Variants in JRK observed in about 807,000 individuals in gnomAD.
JRK encodes the protein jerky protein homolog.
For missense variants in JRK, 720 were observed against 509.2 expected (o/e 1.41, Z -3.98); for synonymous variants, 303 against 218.1 (o/e 1.39, Z -3.43).
chr8:142,661,634 A>G lies in JRK; in HGVS notation c.*2718T>C, dbSNP rs1554634587. 9.1e-6 allele frequency: 9 copies of G among 985,352 alleles called. No homozygotes were observed. The highest frequency in any genetic ancestry group is 6.1e-5 in the Admixed American group (1 of 16,270). The allele number at this position is 985,352 out of a possible 1,614,324, so 61.0% of individuals were successfully genotyped here. A position where few individuals can be genotyped will look rare whatever the true frequency, so the allele number is the denominator to read the frequency against. Reference sequence around the variant, plus strand: ...GTGCTCACAGATAAAACGCGGAGGCATTTAAACAGGACCAGAGACTTTCTC... The same window carrying G: ...GTGCTCACAGATAAAACGCGGAGGCGTTTAAACAGGACCAGAGACTTTCTC... On this transcript the variant is annotated 3_prime_UTR_variant, in exon 2 of 2. Transcript: ENST00000612905.
At position 142,663,131 on chromosome 8, in the gene JRK, C is replaced by A. The variant is rs1846971254; in HGVS notation, c.*1221G>T. The stretch of plus-strand genomic sequence containing the variant: ...TCACACCACTTCACTCCAGCCTGGT[C>A]AACAGAGTGAGACCCTGCCTCAAGA... On this transcript the variant is annotated 3_prime_UTR_variant, in exon 2 of 2. Transcript: ENST00000612905. 1.0e-6 allele frequency: 1 copy of A among 979,908 alleles called. No individual in the cohort carries two copies. Among genetic ancestry groups the A allele is most frequent in the Non-Finnish European group, 1.2e-6 (1 of 825,094 alleles). 60.7% of individuals were successfully genotyped at this position (979,908 alleles called of 1,614,324 possible).
Position 142,659,075 on chromosome 8 carries a change from G to C in JRK, c.*5277C>G, listed in dbSNP as rs1190497986. 1 of 1,419,612 alleles carries C rather than the reference G, an allele frequency of 7.0e-7. No homozygotes were observed. The highest frequency in any genetic ancestry group is 2.7e-5 in the Admixed American group (1 of 36,784). The allele number at this position is 1,419,612 out of a possible 1,614,324, so 87.9% of individuals were successfully genotyped here. ...ATTCCTAGTGTATTTTTTCTCTTCA[G>C]AACTGACAGCCCATCAAGGTACAAT... On this transcript the variant is annotated 3_prime_UTR_variant, in exon 2 of 2. Coordinates refer to ENST00000612905, the MANE Select transcript of JRK (RefSeq NM_003724.4).
Position 142,661,799 on chromosome 8 carries a change from TCTGAGG to T in JRK, c.*2547_*2552del. ...CCTGAGAGGGCTTGGGGAAAAAGAT[TCTGAGG>T]CTAAAACATTCAACCACTTGAGCTT... On this transcript the variant is annotated 3_prime_UTR_variant, in exon 2 of 2. Coordinates refer to ENST00000612905, the MANE Select transcript of JRK (RefSeq NM_003724.4). 1 of 985,456 alleles carries T rather than the reference TCTGAGG, an allele frequency of 1.0e-6. No individual in the cohort carries two copies. Among genetic ancestry groups the T allele is most frequent in the Non-Finnish European group, 1.2e-6 (1 of 830,036 alleles). 61.0% of individuals were successfully genotyped at this position (985,456 alleles called of 1,614,324 possible).
rs11781103 is a variant in JRK, at chr8:142,663,020, G to A, written c.*1332C>T. 17 of 568,172 alleles carry A rather than the reference G, an allele frequency of 3.0e-5. No homozygotes were observed. Among genetic ancestry groups the A allele is most frequent in the Non-Finnish European group, 3.6e-5 (16 of 448,954 alleles). The allele number at this position is 568,172 out of a possible 1,614,324, so 35.2% of individuals were successfully genotyped here. On this transcript the variant is annotated 3_prime_UTR_variant, in exon 2 of 2. Coordinates refer to ENST00000612905, the MANE Select transcript of JRK (RefSeq NM_003724.4). ...ACAAAAAAAATAAAAAGGCGCGGTGGTGCGTGCCTCTAGTCCCAGCTACTC... is the reference window on the plus strand; with the variant it reads ...ACAAAAAAAATAAAAAGGCGCGGTGATGCGTGCCTCTAGTCCCAGCTACTC...
chr8:142,660,977 G>T lies in JRK; in HGVS notation c.*3375C>A. ...GCTGGGGAAGCCGTGGGCAGGGGCT[G>T]CGACTTCCTTTCTTCCAATCAACTC... is the stretch of plus-strand genomic sequence containing the variant. On this transcript the variant is annotated 3_prime_UTR_variant, in exon 2 of 2. Transcript: ENST00000612905. The T allele has an allele frequency of 2.0e-6, 2 of 985,474 alleles. No individual in the cohort carries two copies. Among genetic ancestry groups the T allele is most frequent in the Non-Finnish European group, 2.4e-6 (2 of 829,962 alleles). The allele number at this position is 985,474 out of a possible 1,614,324, so 61.0% of individuals were successfully genotyped here.
Position 142,658,886 on chromosome 8 carries a change from T to C in JRK, c.*5466A>G, listed in dbSNP as rs781840620. On this transcript the variant is annotated 3_prime_UTR_variant, in exon 2 of 2. Coordinates refer to ENST00000612905, the MANE Select transcript of JRK (RefSeq NM_003724.4). The stretch of plus-strand genomic sequence containing the variant: ...CTCTGTAGAGGCCTCCAGGCAGCAC[T>C]TAGGAATTGCCAACTCCTCTGGTGA... 6.2e-7 allele frequency: 1 copy of C among 1,613,598 alleles called. No individual in the cohort carries two copies. The highest frequency in any genetic ancestry group is 2.2e-5 in the East Asian group (1 of 44,876).
chr8:142,666,896 C>T (rs1554636276), intron 1 of JRK, among the ~76,000 whole-genome samples: 1 of 152,178 alleles, frequency 6.6e-6, no homozygotes, highest in Admixed American at 6.5e-5. Context: ...ACCTCCCACC[C>T]GCCCAGCCTA....
At position 142,658,783 on chromosome 8, in the gene JRK, A is replaced by C. The variant is rs1846819348; in HGVS notation, c.*5569T>G. 5 of 1,557,508 alleles carry C rather than the reference A, an allele frequency of 3.2e-6. No homozygotes were observed. The South Asian group carries it at 4.7e-5, about 15-fold the overall frequency. On this transcript the variant is annotated 3_prime_UTR_variant, in exon 2 of 2. Transcript: ENST00000612905. The stretch of plus-strand genomic sequence containing the variant: ...GGAGGCCACAGACCTACCAACACCC[A>C]TAACCTCAAGGGCACTGGTGGGGAC...
Position 142,659,025 on chromosome 8 carries a change from A to C in JRK, c.*5327T>G. 1 of 1,498,762 alleles carries C rather than the reference A, an allele frequency of 6.7e-7. No individual in the cohort carries two copies. Among genetic ancestry groups the C allele is most frequent in the Non-Finnish European group, 9.0e-7 (1 of 1,117,128 alleles). 92.8% of individuals were successfully genotyped at this position (1,498,762 alleles called of 1,614,324 possible). On this transcript the variant is annotated 3_prime_UTR_variant, in exon 2 of 2. Transcript: ENST00000612905. ...AGGGGTGTAGTCACTTCCCTCTGCC[A>C]GGGAGAATGGTGGAGGAAGAATGGA...
chr8:142,644,280 T>C, the JRK span, among the ~76,000 whole-genome samples: 1 of 152,094 alleles, frequency 6.6e-6, no homozygotes, highest in Admixed American at 6.5e-5. Context: ...GCAGCCACAG[T>C]CAAAAGCACC....
rs1587517281 is a variant in JRK, at chr8:142,660,646, C to A, written c.*3706G>T. ...CAAACTCCTGAACTAAAGTGATCCT[C>A]CTGCCGTGGCCTTCCAGAGTACTGG... On this transcript the variant is annotated 3_prime_UTR_variant, in exon 2 of 2. Coordinates refer to ENST00000612905, the MANE Select transcript of JRK (RefSeq NM_003724.4). 1 of 953,006 alleles carries A rather than the reference C, an allele frequency of 1.0e-6. No individual in the cohort carries two copies. The highest frequency in any genetic ancestry group is 5.4e-4 in the Middle Eastern group (1 of 1,862). 59.0% of individuals were successfully genotyped at this position (953,006 alleles called of 1,614,324 possible).
intron 1 of JRK, 94 bp from the exon 2 acceptor site, chr8:142,666,614 GA>G (rs1554636211): frequency 2.1e-5 from 4 of 193,124 alleles, no homozygotes; most frequent in African/African-American, 4.6e-5. Flanking sequence ...CACTCCAGCT[GA>G]AACTCAAGGG....
At position 142,663,025 on chromosome 8, in the gene JRK, T is replaced by C. The variant is rs2129733214; in HGVS notation, c.*1327A>G. The C allele has an allele frequency of 3.6e-6, 2 of 563,158 alleles. No individual in the cohort carries two copies. The highest frequency in any genetic ancestry group is 4.5e-6 in the Non-Finnish European group (2 of 444,350). 34.9% of individuals were successfully genotyped at this position (563,158 alleles called of 1,614,324 possible). On this transcript the variant is annotated 3_prime_UTR_variant, in exon 2 of 2. Coordinates refer to ENST00000612905, the MANE Select transcript of JRK (RefSeq NM_003724.4). ...AAAAATAAAAAGGCGCGGTGGTGCG[T>C]GCCTCTAGTCCCAGCTACTCAGGAG... is the stretch of plus-strand genomic sequence containing the variant.
rs1554635542 is a variant in JRK at position 142,665,142 on chromosome 8, T to C, written c.917A>G (p.Gln306Arg). The change falls in exon 2 of 2, where the codon CAG becomes CGG. Residue 306 changes from glutamine (Q) to arginine (R), a missense_variant. Coordinates refer to ENST00000612905, the MANE Select transcript of JRK (RefSeq NM_003724.4). ...GTTACTGGACACCAGCTCGGCCTCCTGCGGGTGAGCCCGGGAGCTGTCCAG... is the reference window on the plus strand; with the variant it reads ...GTTACTGGACACCAGCTCGGCCTCCCGCGGGTGAGCCCGGGAGCTGTCCAG... ...LLLDSSRAHP[Q>R]EAELVSSNVF... 1.4e-6 allele frequency: 1 copy of C among 717,726 alleles called. No homozygotes were observed. Among genetic ancestry groups the C allele is most frequent in the Admixed American group, 2.0e-5 (1 of 50,006 alleles). The allele number at this position is 717,726 out of a possible 1,614,324, so 44.5% of individuals were successfully genotyped here.
rs1165356778 is a variant in JRK at position 142,658,075 on chromosome 8, G to A, written c.*6277C>T. 2.6e-5 allele frequency: 4 copies of A among 152,272 alleles called. No homozygotes were observed. The highest frequency in any genetic ancestry group is 9.7e-5 in the African/African-American group (4 of 41,448). The allele number at this position is 152,272 out of a possible 1,614,324, so 9.4% of individuals were successfully genotyped here. ...GGGTCTGCCTCCCCTTCTGGACCAG[G>A]TGAACCTTAACAATAGGTGCATGTT... On this transcript the variant is annotated 3_prime_UTR_variant, in exon 2 of 2. Transcript: ENST00000612905.
At chr8:142,645,476 G>A in the JRK span, among the ~76,000 whole-genome samples, 4 of 152,024 alleles carry the variant, frequency 2.6e-5, no homozygotes, top group Non-Finnish European at 5.9e-5. Context: ...TCAGGAGATC[G>A]AGACCATCCT....
Position 142,663,513 on chromosome 8 carries a change from C to G in JRK, c.*839G>C, listed in dbSNP as rs1252745874. On this transcript the variant is annotated 3_prime_UTR_variant, in exon 2 of 2. Transcript: ENST00000612905. ...GATCAAGACGTATTCATGTAAAGGC[C>G]ATAAGTATGAAATTCTGGGCAACAT... is the stretch of plus-strand genomic sequence containing the variant. The G allele has an allele frequency of 2.0e-6, 2 of 985,310 alleles. No homozygotes were observed. The highest frequency in any genetic ancestry group is 2.4e-6 in the Non-Finnish European group (2 of 829,948). 61.0% of individuals were successfully genotyped at this position (985,310 alleles called of 1,614,324 possible).
Position 142,658,274 on chromosome 8 carries a change from A to G in JRK, c.*6078T>C, listed in dbSNP as rs587610365. ...ATACCACAGGCTAGGTGTCTTAAAC[A>G]ACATAAATTAATTTTTCACAGATCT... On this transcript the variant is annotated 3_prime_UTR_variant, in exon 2 of 2. Coordinates refer to ENST00000612905, the MANE Select transcript of JRK (RefSeq NM_003724.4). The G allele has an allele frequency of 2.0e-5, 3 of 152,434 alleles. No homozygotes were observed. The highest frequency in any genetic ancestry group is 7.2e-5 in the African/African-American group (3 of 41,590). 9.4% of individuals were successfully genotyped at this position (152,434 alleles called of 1,614,324 possible). A position where few individuals can be genotyped will look rare whatever the true frequency, so the allele number is the denominator to read the frequency against.
At position 142,664,803 on chromosome 8, in the gene JRK, AG is replaced by A. The variant is rs782650867; in HGVS notation, c.1255del (p.Leu419TrpfsTer4). On this transcript the variant is annotated frameshift_variant, in exon 2 of 2. Transcript: ENST00000612905. LOFTEE classifies it low-confidence loss of function (END_TRUNC). ...KPHNKSFAHI[L>X]ELVKEGSSCP... ...GGAGGAGCCTTCCTTCACAAGCTCCAGGATGTGTGCAAAGGACTTGTTGTGG... is the reference window on the plus strand; with the variant it reads ...GGAGGAGCCTTCCTTCACAAGCTCCAGATGTGTGCAAAGGACTTGTTGTGG... 2 of 1,596,574 alleles carry A rather than the reference AG, an allele frequency of 1.3e-6. No homozygotes were observed. Among genetic ancestry groups the A allele is most frequent in the Non-Finnish European group, 1.7e-6 (2 of 1,172,026 alleles).
Sources: gnomAD v4.1 joint callset for allele counts (sites outside exome capture counted in the v4.1 genomes callset) on GRCh38, gnomAD v4.1.1 for gene constraint, MANE v1.5 for transcripts, NCBI Gene and HGNC (gene_info 2026-07-23, HGNC 2026-07-21) for gene names.